MARK3: variants seen among roughly 807,000 people sequenced by gnomAD.
MARK3 encodes the protein microtubule affinity regulating kinase 3.
In MARK3, 46 loss-of-function variants were observed where a neutral mutation model predicts 90.1. The ratio of observed to expected loss-of-function variants is 0.51; its 90% CI spans 0.40 to 0.65. The LOEUF (loss-of-function observed/expected upper bound fraction) is 0.65, where lower values mean the gene tolerates loss of function less well. MARK3 is among the 30% of genes least tolerant of loss of function. The pLI, the probability that MARK3 is intolerant of heterozygous loss-of-function variation, is 0.00. For missense variants in MARK3, 818 were observed against 947.2 expected, an observed-to-expected ratio of 0.86 and a Z score of 1.79; for synonymous variants, 321 against 332.6, an observed-to-expected ratio of 0.97 and a Z score of 0.38.
In MARK3 at chr14:103,405,115, C is replaced by T. The variant is rs79935861; in HGVS notation, c.91C>T (p.Arg31Cys). ...HGDGRQEVTS[R>C]TSRSGARCRN... Reference sequence around the variant, plus strand: ...AGATGGGCGTCAAGAAGTTACCTCTCGTACCAGCCGCTCAGGAGCTCGGTG... The same window carrying T: ...AGATGGGCGTCAAGAAGTTACCTCTTGTACCAGCCGCTCAGGAGCTCGGTG... Residue 31 changes from arginine (R) to cysteine (C), a missense_variant, in exon 2 of 18, where the codon CGT (arginine) becomes TGT (cysteine). By Grantham distance (180) the Arg-to-Cys change is radical (BLOSUM62 -3). Transcript: ENST00000429436. 7 of 1,614,010 alleles carry T rather than the reference C, an allele frequency of 4.3e-6. No homozygotes were observed. The East Asian group carries it at 8.9e-5, about 21-fold the overall frequency.
chr14:103,482,056 G>A (rs906959047), intron 14 of MARK3, among the ~76,000 whole-genome samples: 2 of 151,496 alleles, frequency 1.3e-5, no homozygotes, highest in Admixed American at 6.6e-5. Flanking sequence ...GTGAGCCACC[G>A]TACCCAGCCA....
intron 7 of MARK3, among the ~76,000 whole-genome samples, chr14:103,465,031 G>A (rs866030550): frequency 5.3e-5 from 8 of 152,080 alleles, no homozygotes; most frequent in African/African-American, 9.7e-5. Context: ...GCAGTGGCAC[G>A]ATCTTGGCTC....
chr14:103,492,296 C>G (rs1032736382), intron 15 of MARK3, among the ~76,000 whole-genome samples: 13 of 152,062 alleles, frequency 8.5e-5, no homozygotes, highest in African/African-American at 3.1e-4. Context: ...TCCTTTTGCT[C>G]ACGTATCTGT....
chr14:103,438,390 G>A (rs1353797960), intron 3 of MARK3, among the ~76,000 whole-genome samples: 17 of 152,208 alleles, frequency 1.1e-4, no homozygotes, highest in Admixed American at 1.1e-3. Context: ...CAGTGAATAA[G>A]GGACTGAACT....
chr14:103,409,435 T>A (rs1275970251), intron 2 of MARK3, among the ~76,000 whole-genome samples: 7 of 93,426 alleles, frequency 7.5e-5, no homozygotes, highest in African/African-American at 1.7e-4. Context: ...GAACTTAAAG[T>A]AAAAAAAAAA....
chr14:103,457,802 G>C (rs2093307624), intron 6 of MARK3, among the ~76,000 whole-genome samples: 2 of 152,218 alleles, frequency 1.3e-5, no homozygotes, highest in Non-Finnish European at 2.9e-5. Flanking sequence ...TCTTACAGCT[G>C]CCTTGTGAGT....
chr14:103,502,757 G>T, intron 17 of MARK3, 125 bp from the exon 18 acceptor site: 2 of 708,726 alleles, frequency 2.8e-6, no homozygotes, highest in South Asian at 3.8e-5. Context: ...GTGAGTCTGT[G>T]CAGGAAAATG....
rs2089917040 is a variant in MARK3 at position 103,387,652 on chromosome 14, C to G, written c.51+1572C>G. On this transcript the variant is annotated intron_variant, in intron 1 of 17. Transcript: ENST00000429436. ...GGATTACTGGCGTGCACCACCACGCCCGGCTAATTTTTGTATTTTTAGTAG... is the reference window on the plus strand; with the variant it reads ...GGATTACTGGCGTGCACCACCACGCGCGGCTAATTTTTGTATTTTTAGTAG... Among the ~76,000 whole-genome samples, 5 of 151,950 alleles carry G rather than the reference C, an allele frequency of 3.3e-5. No individual in the cohort carries two copies. The South Asian group carries it at 1.0e-3, about 32-fold the overall frequency.
At chr14:103,433,463 G>C (rs1030257371) in intron 3 of MARK3, among the ~76,000 whole-genome samples, 1 of 152,216 alleles carries the variant, frequency 6.6e-6, no homozygotes, top group African/African-American at 2.4e-5. Flanking sequence ...GGAGGCCGAG[G>C]CGGGTGGATC....
intron 9 of MARK3, 93 bp from the exon 10 acceptor site, chr14:103,466,250 A>C: frequency 7.8e-7 from 1 of 1,290,184 alleles, no homozygotes; most frequent in Non-Finnish European, 1.1e-6. Flanking sequence ...TTTGAACGAT[A>C]GTCAATGAAA....
At chr14:103,434,317 C>T (rs932836298) in intron 3 of MARK3, among the ~76,000 whole-genome samples, 84 of 152,176 alleles carry the variant, frequency 5.5e-4, no homozygotes, top group Non-Finnish European at 1.2e-4. Context: ...ATGAACTGCA[C>T]AGATTCCTCC....
In MARK3 at chr14:103,438,062, G is replaced by A. The variant is rs560820848; in HGVS notation, c.297+9622G>A. Among the ~76,000 whole-genome samples, 5 of 152,228 alleles carry A rather than the reference G, an allele frequency of 3.3e-5. No individual in the cohort carries two copies. The South Asian group carries it at 6.2e-4, about 19-fold the overall frequency. On this transcript the variant is annotated intron_variant, in intron 3 of 17. Coordinates refer to ENST00000429436, the MANE Select transcript of MARK3 (RefSeq NM_001128918.3). ...GTTGCCCAGGCTGGAGTGCAATGGC[G>A]TGATCTCGGCTAACCGCAACCTCCA...
intron 3 of MARK3, among the ~76,000 whole-genome samples, chr14:103,437,192 C>T (rs1016727062): frequency 6.6e-6 from 1 of 151,964 alleles, no homozygotes; most frequent in African/African-American, 2.4e-5. Flanking sequence ...ATTGTTGCTT[C>T]TTTATTCCTT....
chr14:103,474,150 A>G (rs1430192468), intron 12 of MARK3, among the ~76,000 whole-genome samples: 2 of 152,080 alleles, frequency 1.3e-5, no homozygotes, highest in Non-Finnish European at 2.9e-5. Context: ...GGTTACAGTG[A>G]GCCGCGATTG....
At chr14:103,413,319 T>A (rs2065016) in intron 2 of MARK3, among the ~76,000 whole-genome samples, 43,449 of 152,038 alleles carry the variant, frequency 0.29, 7,306 homozygotes, top group Non-Finnish European at 0.36. Context: ...TAAATGGAAC[T>A]TTTTTTTCCT....
intron 6 of MARK3, chr14:103,458,722 T>C (rs1387962421): frequency 4.2e-6 from 3 of 713,622 alleles, no homozygotes; most frequent in African/African-American, 1.7e-5. Context: ...TTTATTCATA[T>C]ACAGGGTTGT....
rs1380021049 is a variant in MARK3 at position 103,456,904 on chromosome 14, GTT to G, written c.413-237_413-236del. Among the ~76,000 whole-genome samples, 3 of 152,168 alleles carry G rather than the reference GTT, an allele frequency of 2.0e-5. 1 individual carries two copies. Among genetic ancestry groups the G allele is most frequent in the African/African-American group, 7.2e-5 (3 of 41,424 alleles). ...ATTGAAAACGCTCTTTAAAATAAGAGTTATATAATTTAAGTATAGGGAATTTA... is the reference window on the plus strand; with the variant it reads ...ATTGAAAACGCTCTTTAAAATAAGAGATATAATTTAAGTATAGGGAATTTA... On this transcript the variant is annotated intron_variant, in intron 5 of 17. Transcript: ENST00000429436.
intron 5 of MARK3, among the ~76,000 whole-genome samples, chr14:103,455,183 G>T (rs1180770126): frequency 6.6e-6 from 1 of 152,080 alleles, no homozygotes; most frequent in Non-Finnish European, 1.5e-5. Flanking sequence ...TTTTATCTGT[G>T]TTACTCTACA....
intron 2 of MARK3, among the ~76,000 whole-genome samples, chr14:103,418,219 C>CTTTTTTTTTTTT (rs36012703): frequency 1.6e-3 from 96 of 61,638 alleles, no homozygotes; most frequent in African/African-American, 2.0e-3. Flanking sequence ...ATAGTAAAGG[C>CTTTTTTTTTTTT]TTTTTTTTTT....
Sources: gnomAD v4.1 joint callset for allele counts (sites outside exome capture counted in the v4.1 genomes callset) on GRCh38, gnomAD v4.1.1 for gene constraint, MANE v1.5 for transcripts, NCBI Gene and HGNC (gene_info 2026-07-23, HGNC 2026-07-21) for gene names.